Variants in ARHGAP12 observed in about 807,000 individuals in gnomAD.
ARHGAP12 encodes Rho GTPase activating protein 12, also known as rho GTPase-activating protein 12.
ARHGAP12 carries 64 observed loss-of-function variants against 108.6 expected under a neutral mutation model. The observed-to-expected ratio is 0.59, with a 90% CI of 0.48 to 0.73. The LOEUF is 0.73. Among genes scored for constraint, ARHGAP12 ranks in the 30% least tolerant of loss-of-function variants. The pLI is 0.00. For missense variants in ARHGAP12, 940 were observed against 1,005.9 expected (o/e 0.93, Z 0.89); for synonymous variants, 312 against 337.2 (o/e 0.93, Z 0.82).
At chr10:31,866,076 C>A (rs980604340) in intron 3 of ARHGAP12, among the ~76,000 whole-genome samples, 4 of 152,036 alleles carry the variant, frequency 2.6e-5, no homozygotes. Context: ...CTATTGTTAG[C>A]ATAATAATTA....
intron 16 of ARHGAP12, chr10:31,809,702 T>C (rs748800054): frequency 1.5e-4 from 24 of 159,956 alleles, no homozygotes; most frequent in Non-Finnish European, 3.0e-4. Context: ...ATGCACATAT[T>C]GTAAAAACTT....
intron 11 of ARHGAP12, 36 bp from the exon 12 acceptor site, chr10:31,820,524 A>AG: frequency 6.1e-6 from 8 of 1,309,686 alleles, no homozygotes; most frequent in African/African-American, 1.5e-5. Flanking sequence ...CCTTCATGTG[A>AG]TACTCACATA....
chr10:31,867,687 TA>T (rs1218642525), intron 3 of ARHGAP12, among the ~76,000 whole-genome samples: 1 of 152,116 alleles, frequency 6.6e-6, no homozygotes, highest in Non-Finnish European at 1.5e-5. Flanking sequence ...TCAAGAGTTT[TA>T]AAAAAATATT....
At chr10:31,844,700 T>TC (rs1399075969) in intron 6 of ARHGAP12, among the ~76,000 whole-genome samples, 1 of 150,180 alleles carries the variant, frequency 6.7e-6, no homozygotes, top group East Asian at 2.0e-4. Context: ...CACTTGGCTT[T>TC]TTTTTTTTTT....
intron 1 of ARHGAP12, among the ~76,000 whole-genome samples, chr10:31,923,429 T>G (rs1445924072): frequency 6.6e-6 from 1 of 152,220 alleles, no homozygotes; most frequent in Non-Finnish European, 1.5e-5. Context: ...AATATGCATC[T>G]ACCACATGAT....
At chr10:31,811,962 C>G (rs12247925) in intron 15 of ARHGAP12, among the ~76,000 whole-genome samples, 7,674 of 152,180 alleles carry the variant, frequency 0.05, 645 homozygotes, top group African/African-American at 0.17. Flanking sequence ...GCCTTAAATA[C>G]CTTCTTAATA....
At chr10:31,900,355 T>C (rs1458373657) in intron 3 of ARHGAP12, among the ~76,000 whole-genome samples, 2 of 151,914 alleles carry the variant, frequency 1.3e-5, no homozygotes, top group African/African-American at 2.4e-5. Context: ...AAACATACCA[T>C]ACATCATGTT....
intron 3 of ARHGAP12, among the ~76,000 whole-genome samples, chr10:31,870,392 A>G (rs1564401746): frequency 2.0e-5 from 3 of 151,774 alleles, no homozygotes; most frequent in Non-Finnish European, 4.4e-5. Flanking sequence ...CACCCCACCC[A>G]GCTAATTTTG....
chr10:31,908,136 TG>T (rs763364319), intron 3 of ARHGAP12, 35 bp downstream of exon 3: 1 of 1,502,964 alleles, frequency 6.7e-7, no homozygotes, highest in Non-Finnish European at 8.9e-7. Context: ...TTCACTAGGG[TG>T]GTACAGTGTT....
chr10:31,862,705 G>GACACACAGAC (rs1554781361), intron 3 of ARHGAP12, among the ~76,000 whole-genome samples: 5 of 133,096 alleles, frequency 3.8e-5, no homozygotes, highest in Non-Finnish European at 8.1e-5. Flanking sequence ...TGCACACACA[G>GACACACAGAC]ACACACACAC....
intron 16 of ARHGAP12, 66 bp downstream of exon 16, chr10:31,810,583 T>G: frequency 8.7e-7 from 1 of 1,148,010 alleles, no homozygotes; most frequent in Non-Finnish European, 1.2e-6. Flanking sequence ...TTCTAGGAAT[T>G]TTGATGGCAA....
chr10:31,823,790 A>G (rs937945063), intron 11 of ARHGAP12, among the ~76,000 whole-genome samples: 2 of 152,334 alleles, frequency 1.3e-5, no homozygotes, highest in East Asian at 3.9e-4. Flanking sequence ...TCTGTATAGC[A>G]TCTTCCTAAC....
rs555383429 is a variant in ARHGAP12, at chr10:31,819,831, G to A, written c.1632+556C>T. ...CACCCAGCTCAGCCCAGGCCAGGCT[G>A]AGCAAACAAAATGGTTCTTTTGTTA... On this transcript the variant is annotated intron_variant, in intron 12 of 19. Transcript: ENST00000344936. 2.6e-5 allele frequency among the ~76,000 whole-genome samples: 4 copies of A among 152,250 alleles called. No homozygotes were observed. In the East Asian group the frequency reaches 7.7e-4, roughly 29 times the overall value.
intron 3 of ARHGAP12, among the ~76,000 whole-genome samples, chr10:31,872,100 G>C (rs540028446): frequency 2.6e-4 from 39 of 152,172 alleles, no homozygotes; most frequent in African/African-American, 9.2e-4. Flanking sequence ...TGTCTTGTTT[G>C]TCTCTTCATC....
At chr10:31,810,585 T>G (rs1043951446) in intron 16 of ARHGAP12, 64 bp downstream of exon 16, 2 of 1,159,412 alleles carry the variant, frequency 1.7e-6, no homozygotes, top group Non-Finnish European at 2.4e-6. Flanking sequence ...CTAGGAATTT[T>G]GATGGCAAAA....
intron 9 of ARHGAP12, among the ~76,000 whole-genome samples, chr10:31,837,168 T>C (rs1025396716): frequency 6.6e-6 from 1 of 152,212 alleles, no homozygotes; most frequent in Non-Finnish European, 1.5e-5. Context: ...ATGAAAATAA[T>C]GTATAAAAGA....
intron 7 of ARHGAP12, among the ~76,000 whole-genome samples, chr10:31,840,510 A>G (rs1836220985): frequency 6.6e-6 from 1 of 152,094 alleles, no homozygotes; most frequent in Non-Finnish European, 1.5e-5. Context: ...ATTTCCTTAG[A>G]TGTTTTGAAT....
chr10:31,915,882 C>T (rs1839535112), intron 1 of ARHGAP12, among the ~76,000 whole-genome samples: 1 of 152,064 alleles, frequency 6.6e-6, no homozygotes, highest in African/African-American at 2.4e-5. Flanking sequence ...ATCTAGGTAA[C>T]AGTATCTACA....
intron 19 of ARHGAP12, chr10:31,808,334 C>T (rs987152443): frequency 5.4e-5 from 10 of 184,904 alleles, no homozygotes; most frequent in African/African-American, 1.9e-4. Context: ...AGAACCATGA[C>T]GGTAACTTAA....
Sources: allele counts gnomAD v4.1 joint callset (sites outside exome capture counted in the v4.1 genomes callset), GRCh38; gene constraint gnomAD v4.1.1; transcripts MANE v1.5; gene names NCBI Gene and HGNC (gene_info 2026-07-23, HGNC 2026-07-21).